The following MAD1L1 variants were observed in gnomAD, a reference collection of about 807,000 sequenced individuals.
MAD1L1 encodes the protein mitotic arrest deficient 1 like 1, also known as mitotic spindle assembly checkpoint protein MAD1.
Under a neutral mutation model 96.9 loss-of-function variants are expected in MAD1L1, and 95 were observed. That is an observed-to-expected ratio of 0.98 (90% CI 0.83 to 1.16). The LOEUF (loss-of-function observed/expected upper bound fraction) is 1.16, where lower values mean the gene tolerates loss of function less well. Ranked by LOEUF, MAD1L1 falls within the 50% of genes most tolerant of loss-of-function variation. The probability of loss-of-function intolerance (pLI) is 0.00; values close to 1 mark genes in which losing one functional copy is unlikely to be tolerated. For missense variants in MAD1L1, 1,007 were observed against 954.4 expected (o/e 1.06, Z -0.73); for synonymous variants, 473 against 396.6 (o/e 1.19, Z -2.29).
intron 16 of MAD1L1, among the ~76,000 whole-genome samples, chr7:1,952,241 G>C (rs1393490483): frequency 2.6e-5 from 4 of 152,238 alleles, no homozygotes; most frequent in Non-Finnish European, 5.9e-5. Context: ...GGAGCAGTGA[G>C]ATCTCATGGA....
At chr7:1,885,743 C>T (rs1275511655) in intron 18 of MAD1L1, among the ~76,000 whole-genome samples, 2 of 152,184 alleles carry the variant, frequency 1.3e-5, no homozygotes, top group African/African-American at 2.4e-5. Context: ...GGCAGATCCC[C>T]GAGGGCTCGG....
chr7:1,853,844 A>G (rs990437941), intron 18 of MAD1L1, among the ~76,000 whole-genome samples: 1 of 152,048 alleles, frequency 6.6e-6, no homozygotes, highest in African/African-American at 2.4e-5. Context: ...CGAGCAGGGG[A>G]GGACCGGGCA....
chr7:1,898,983 C>T (rs934934226), intron 17 of MAD1L1, among the ~76,000 whole-genome samples: 1 of 152,220 alleles, frequency 6.6e-6, no homozygotes, highest in African/African-American at 2.4e-5. Context: ...GGGAGGCAGG[C>T]AGGAGGCCAC....
At chr7:2,174,557 C>A (rs1414839960) in intron 10 of MAD1L1, among the ~76,000 whole-genome samples, 2 of 152,170 alleles carry the variant, frequency 1.3e-5, no homozygotes, top group East Asian at 3.9e-4. Context: ...ATGTGGTCCA[C>A]AGAACCCGAT....
chr7:1,912,549 C>T (rs1429281749), intron 17 of MAD1L1, among the ~76,000 whole-genome samples: 2 of 152,194 alleles, frequency 1.3e-5, no homozygotes, highest in Non-Finnish European at 2.9e-5. Flanking sequence ...GGCTGCGGTC[C>T]CTGCCGCCGA....
intron 5 of MAD1L1, among the ~76,000 whole-genome samples, chr7:2,222,269 G>A (rs1793648696): frequency 2.0e-5 from 3 of 151,930 alleles, no homozygotes; most frequent in Admixed American, 6.6e-5. Context: ...TAGTAGAGAT[G>A]GGGTTTCACC....
chr7:1,827,728 T>TAGACA (rs1782496512), intron 18 of MAD1L1, among the ~76,000 whole-genome samples: 1 of 15,234 alleles, frequency 6.6e-5, no homozygotes, highest in Non-Finnish European at 1.2e-4. Flanking sequence ...TCCTGAGCCC[T>TAGACA]GCGTGGCTGT....
intron 11 of MAD1L1, among the ~76,000 whole-genome samples, chr7:2,110,911 G>A (rs905671231): frequency 1.3e-5 from 2 of 152,056 alleles, no homozygotes; most frequent in East Asian, 1.9e-4. Flanking sequence ...AGGAGATGAC[G>A]GCGCGGGCAA....
intron 12 of MAD1L1, among the ~76,000 whole-genome samples, chr7:2,051,188 T>C (rs747937404): frequency 1.3e-5 from 2 of 152,136 alleles, no homozygotes; most frequent in Non-Finnish European, 2.9e-5. Flanking sequence ...CTGCAGGCCC[T>C]GCTTGTGTCC....
At chr7:1,868,132 G>A (rs564220740) in intron 18 of MAD1L1, among the ~76,000 whole-genome samples, 15 of 152,240 alleles carry the variant, frequency 9.9e-5, no homozygotes, top group Middle Eastern at 6.8e-3. Flanking sequence ...TCAGCCCAGC[G>A]AGGTGCACTG....
chr7:1,966,608 A>G (rs1472369017), intron 15 of MAD1L1, among the ~76,000 whole-genome samples: 9 of 150,498 alleles, frequency 6.0e-5, no homozygotes, highest in Admixed American at 5.3e-4. Context: ...CAAGAAGCTG[A>G]GCAAACTCCA....
At chr7:1,846,439 G>A (rs73286665) in intron 18 of MAD1L1, 14,263 of 153,082 alleles carry the variant, frequency 0.093, 1,069 homozygotes, top group African/African-American at 0.21. Context: ...GCCACCACAG[G>A]AGCCAGCATC....
chr7:1,900,981 C>A (rs1293420610), intron 17 of MAD1L1, among the ~76,000 whole-genome samples: 3 of 152,120 alleles, frequency 2.0e-5, no homozygotes, highest in Non-Finnish European at 4.4e-5. Context: ...GCATGGGCCG[C>A]CGCACTCACT....
At chr7:2,091,380 G>T (rs1462469474) in intron 11 of MAD1L1, among the ~76,000 whole-genome samples, 2 of 152,208 alleles carry the variant, frequency 1.3e-5, no homozygotes, top group African/African-American at 4.8e-5. Flanking sequence ...AGACGCATCT[G>T]CCTGCAGTTC....
At chr7:2,221,074 A>T in intron 5 of MAD1L1, 1 of 1,581,304 alleles carries the variant, frequency 6.3e-7, no homozygotes, top group South Asian at 1.1e-5. Flanking sequence ...GGCTTCCCTG[A>T]GGAGCGGCCA....
In MAD1L1 at chr7:1,960,432, A is replaced by G. The variant is rs542342471; in HGVS notation, c.1506-2713T>C. 1.4e-4 allele frequency among the ~76,000 whole-genome samples: 21 copies of G among 152,332 alleles called. No homozygotes were observed. In the South Asian group the frequency reaches 3.5e-3, roughly 26 times the overall value. On this transcript the variant is annotated intron_variant, in intron 15 of 18. Coordinates refer to ENST00000265854, the MANE Select transcript of MAD1L1 (RefSeq NM_001013836.2). ...ACCCAATCAGACACCGCTGACAATA[A>G]TGCACTTTAAATACAAAGATGCAAA... is the stretch of plus-strand genomic sequence containing the variant.
intron 12 of MAD1L1, among the ~76,000 whole-genome samples, chr7:2,055,774 T>A (rs911111921): frequency 2.7e-5 from 4 of 150,430 alleles, no homozygotes; most frequent in African/African-American, 7.4e-5. Context: ...AGGTCAGGAG[T>A]TCGAGACCAG....
chr7:1,902,741 C>A (rs1787326039), intron 17 of MAD1L1, among the ~76,000 whole-genome samples: 1 of 152,278 alleles, frequency 6.6e-6, no homozygotes, highest in South Asian at 2.1e-4. Flanking sequence ...CAGCAGCAGG[C>A]ACCGTTCCAG....
At chr7:1,859,281 C>G (rs1018156279) in intron 18 of MAD1L1, among the ~76,000 whole-genome samples, 8 of 152,210 alleles carry the variant, frequency 5.3e-5, no homozygotes, top group African/African-American at 1.4e-4. Context: ...GAACCCTGAC[C>G]AGGCCACAGT....
Sources: gnomAD v4.1 joint callset for allele counts (sites outside exome capture counted in the v4.1 genomes callset) on GRCh38, gnomAD v4.1.1 for gene constraint, MANE v1.5 for transcripts, NCBI Gene and HGNC (gene_info 2026-07-23, HGNC 2026-07-21) for gene names.